SEMA3E: variants seen among roughly 807,000 people sequenced by gnomAD.
The protein encoded by SEMA3E is semaphorin-3E.
A neutral mutation model predicts 93.6 loss-of-function variants in SEMA3E; 49 were observed. That is an observed-to-expected ratio of 0.52 (90% CI 0.42 to 0.66). The LOEUF is 0.66. SEMA3E is among the 30% of genes least tolerant of loss of function. The pLI is 0.00. For missense variants in SEMA3E, 906 were observed against 964.8 expected (o/e 0.94, Z 0.81); for synonymous variants, 363 against 330.7 (o/e 1.10, Z -1.06).
At position 83,632,336 on chromosome 7, in the gene SEMA3E, CATG is replaced by C. The variant is rs886825293; in HGVS notation, c.115+16089_115+16091del. 2.0e-5 allele frequency among the ~76,000 whole-genome samples: 3 copies of C among 152,070 alleles called. No individual in the cohort carries two copies. In the East Asian group the frequency reaches 5.8e-4, roughly 29 times the overall value. On this transcript the variant is annotated intron_variant, in intron 1 of 16. Transcript: ENST00000643230. ...GGAATATTCACCTATGACAAAAGAG[CATG>C]ATAACTATCTGATATGGCTTTGTTG... is the stretch of plus-strand genomic sequence containing the variant.
chr7:83,394,940 C>T (rs1314077081), intron 12 of SEMA3E, among the ~76,000 whole-genome samples: 3 of 152,110 alleles, frequency 2.0e-5, no homozygotes, highest in African/African-American at 7.2e-5. Flanking sequence ...GCTAGTGCAT[C>T]CCTAAGGAGC....
At chr7:83,435,690 C>A (rs749457954) in intron 4 of SEMA3E, among the ~76,000 whole-genome samples, 22 of 152,096 alleles carry the variant, frequency 1.4e-4, no homozygotes, top group Non-Finnish European at 3.2e-4. Flanking sequence ...ATACACCAAA[C>A]CTCACCTGTA....
At chr7:83,531,062 A>G (rs1473130214) in intron 1 of SEMA3E, among the ~76,000 whole-genome samples, 2 of 152,140 alleles carry the variant, frequency 1.3e-5, no homozygotes, top group Non-Finnish European at 2.9e-5. Flanking sequence ...TTTAAGAAAC[A>G]GAATGTAGTA....
intron 1 of SEMA3E, among the ~76,000 whole-genome samples, chr7:83,635,934 A>C (rs1793875336): frequency 1.3e-5 from 2 of 151,592 alleles, no homozygotes; most frequent in South Asian, 4.2e-4. Flanking sequence ...AAAAAAAACA[A>C]AGATGGGTAA....
intron 1 of SEMA3E, among the ~76,000 whole-genome samples, chr7:83,597,145 T>A (rs534683254): frequency 6.6e-6 from 1 of 152,250 alleles, no homozygotes; most frequent in Admixed American, 6.5e-5. Context: ...TCTATACTCC[T>A]GGAAAGGGAC....
intron 16 of SEMA3E, among the ~76,000 whole-genome samples, chr7:83,370,786 G>T (rs1794739387): frequency 6.6e-6 from 1 of 152,050 alleles, no homozygotes; most frequent in Non-Finnish European, 1.5e-5. Context: ...TTACATACAA[G>T]TATCTAACAA....
intron 4 of SEMA3E, among the ~76,000 whole-genome samples, chr7:83,455,673 CATG>C (rs60385556): frequency 8.5e-5 from 13 of 152,282 alleles, no homozygotes; most frequent in African/African-American, 3.1e-4. Context: ...TAGTCATTGT[CATG>C]ATGAAGCTGT....
At chr7:83,444,833 G>A (rs1181641666) in intron 4 of SEMA3E, among the ~76,000 whole-genome samples, 3 of 152,018 alleles carry the variant, frequency 2.0e-5, no homozygotes, top group Admixed American at 6.6e-5. Flanking sequence ...ACCACTCCTG[G>A]CTAATTTTTG....
intron 12 of SEMA3E, 85 bp from the exon 13 acceptor site, chr7:83,394,423 T>A (rs952513244): frequency 9.1e-7 from 1 of 1,095,350 alleles, no homozygotes; most frequent in African/African-American, 1.6e-5. Context: ...TGAAATTACA[T>A]TACTTATATA....
At chr7:83,572,883 A>G (rs1275819207) in intron 1 of SEMA3E, among the ~76,000 whole-genome samples, 1 of 152,202 alleles carries the variant, frequency 6.6e-6, no homozygotes, top group Non-Finnish European at 1.5e-5. Context: ...AAGATAGATT[A>G]AAGATTTAAA....
intron 1 of SEMA3E, among the ~76,000 whole-genome samples, chr7:83,493,275 A>G (rs1383651248): frequency 6.6e-6 from 1 of 151,934 alleles, no homozygotes; most frequent in African/African-American, 2.4e-5. Context: ...CACATGTCCC[A>G]TGTTTAAGCT....
At chr7:83,473,383 A>G (rs1789943621) in intron 2 of SEMA3E, among the ~76,000 whole-genome samples, 2 of 152,154 alleles carry the variant, frequency 1.3e-5, no homozygotes, top group African/African-American at 4.8e-5. Flanking sequence ...TCCTGTCTAC[A>G]GCAGTTTGTT....
intron 1 of SEMA3E, among the ~76,000 whole-genome samples, chr7:83,608,629 G>C (rs551390301): frequency 2.0e-5 from 3 of 152,032 alleles, no homozygotes; most frequent in African/African-American, 7.2e-5. Context: ...AAGATGATAA[G>C]TCAAAATTGT....
intron 7 of SEMA3E, 75 bp from the exon 8 acceptor site, chr7:83,406,134 T>A (rs567779212): frequency 2.8e-6 from 3 of 1,056,412 alleles, no homozygotes; most frequent in Non-Finnish European, 4.4e-6. Context: ...TTATTAAACA[T>A]GCAGTTGCCA....
chr7:83,477,655 A>C (rs1354228890), intron 2 of SEMA3E, among the ~76,000 whole-genome samples: 1 of 152,112 alleles, frequency 6.6e-6, no homozygotes, highest in East Asian at 1.9e-4. Context: ...ACACACAAAC[A>C]TTTGTAGCCT....
intron 1 of SEMA3E, among the ~76,000 whole-genome samples, chr7:83,587,744 C>T (rs575680585): frequency 6.6e-6 from 1 of 151,582 alleles, no homozygotes; most frequent in African/African-American, 2.4e-5. Context: ...AGAAAAATGA[C>T]AGTATAAATA....
intron 1 of SEMA3E, among the ~76,000 whole-genome samples, chr7:83,553,506 C>T (rs1267660611): frequency 6.6e-6 from 1 of 152,102 alleles, no homozygotes; most frequent in Non-Finnish European, 1.5e-5. Flanking sequence ...CAGTTAATTT[C>T]CTCAGGGCTA....
Position 83,580,462 on chromosome 7 carries a change from G to A in SEMA3E, c.115+67966C>T, listed in dbSNP as rs368617722. ...ATGCTGTATGCTCTGGTCATTTACT[G>A]TCTATCATGTGCATCCCTACCTCTT... On this transcript the variant is annotated intron_variant, in intron 1 of 16. Coordinates refer to ENST00000643230, the MANE Select transcript of SEMA3E (RefSeq NM_012431.3). Among the ~76,000 whole-genome samples the A allele has an allele frequency of 5.9e-5, 9 of 151,908 alleles. No homozygotes were observed. The East Asian group carries it at 7.8e-4, about 13-fold the overall frequency.
At chr7:83,454,431 G>C (rs984192825) in intron 4 of SEMA3E, among the ~76,000 whole-genome samples, 1 of 151,674 alleles carries the variant, frequency 6.6e-6, no homozygotes, top group African/African-American at 2.4e-5. Flanking sequence ...AAAGTGGTTT[G>C]TAAAATTAAG....
Sources: allele counts gnomAD v4.1 joint callset (sites outside exome capture counted in the v4.1 genomes callset), GRCh38; gene constraint gnomAD v4.1.1; transcripts MANE v1.5; gene names NCBI Gene and HGNC (gene_info 2026-07-23, HGNC 2026-07-21).